Variants in BET1 observed in about 807,000 individuals in gnomAD.
BET1 encodes the protein Bet1 golgi vesicular membrane trafficking protein, also known as BET1 homolog.
A neutral mutation model predicts 13.9 loss-of-function variants in BET1; 9 were observed. The observed-to-expected ratio is 0.65, with a 90% CI of 0.39 to 1.13. The LOEUF (loss-of-function observed/expected upper bound fraction) is 1.13. Ranked by LOEUF, BET1 falls within the 50% of genes most tolerant of loss-of-function variation. BET1 has a pLI of 0.01. For synonymous variants in BET1, 39 were observed against 47.3 expected, an observed-to-expected ratio of 0.82 and a Z score of 0.72; for missense variants, 127 against 133.6, an observed-to-expected ratio of 0.95 and a Z score of 0.24.
chr7:93,977,821 C>G (rs1213695368), intron 4 of BET1, among the ~76,000 whole-genome samples: 1 of 152,158 alleles, frequency 6.6e-6, no homozygotes, highest in African/African-American at 2.4e-5. Context: ...ATATCTGACA[C>G]TTTCTTTAAT....
chr7:93,972,666 G>T (rs1435645002), intron 5 of BET1: 1 of 151,788 alleles, frequency 6.6e-6, no homozygotes, highest in African/African-American at 2.4e-5. Flanking sequence ...AAGGATTCCT[G>T]CATGGAGATA....
At chr7:94,000,834 A>G (rs566898804) in intron 1 of BET1, among the ~76,000 whole-genome samples, 1 of 152,278 alleles carries the variant, frequency 6.6e-6, no homozygotes, top group African/African-American at 2.4e-5. Context: ...GAATGATATC[A>G]AAACTAGAAG....
At chr7:93,984,094 T>G (rs549962983) in intron 4 of BET1, among the ~76,000 whole-genome samples, 12 of 152,310 alleles carry the variant, frequency 7.9e-5, no homozygotes, top group African/African-American at 2.6e-4. Context: ...TGAGAGCTCA[T>G]GGGTAGGATC....
chr7:93,966,470 G>T (rs1795174614), intron 6 of BET1, among the ~76,000 whole-genome samples: 1 of 151,846 alleles, frequency 6.6e-6, no homozygotes, highest in Admixed American at 6.6e-5. Flanking sequence ...CTTGCAGGGG[G>T]CAAATCTTGA....
At chr7:94,001,055 T>C (rs946980449) in intron 1 of BET1, among the ~76,000 whole-genome samples, 1 of 152,212 alleles carries the variant, frequency 6.6e-6, no homozygotes, top group African/African-American at 2.4e-5. Context: ...CACTGATCAC[T>C]GAAGGACAGT....
chr7:93,998,520 A>T (rs1795821077), intron 2 of BET1, among the ~76,000 whole-genome samples: 1 of 152,022 alleles, frequency 6.6e-6, no homozygotes, highest in South Asian at 2.1e-4. Context: ...CCAACATGGT[A>T]AAACCCTGTC....
At chr7:93,984,460 T>C (rs545405065) in intron 4 of BET1, among the ~76,000 whole-genome samples, 31 of 152,344 alleles carry the variant, frequency 2.0e-4, no homozygotes, top group African/African-American at 7.2e-4. Context: ...AATGTCATTC[T>C]GCCAAATAGG....
intron 4 of BET1, among the ~76,000 whole-genome samples, chr7:93,980,003 G>A (rs1562801971): frequency 6.6e-6 from 1 of 152,138 alleles, no homozygotes; most frequent in Non-Finnish European, 1.5e-5. Context: ...TGGGCCATGT[G>A]AGCAACATTC....
chr7:93,995,463 A>G (rs948298450), intron 3 of BET1, among the ~76,000 whole-genome samples: 1 of 152,130 alleles, frequency 6.6e-6, no homozygotes, highest in African/African-American at 2.4e-5. Context: ...GATCTTCACC[A>G]TGGTTATGCA....
chr7:93,994,048 GA>G lies in BET1; in HGVS notation c.*181del. On this transcript the variant is annotated 3_prime_UTR_variant, in exon 4 of 4. Transcript: ENST00000222547. The stretch of plus-strand genomic sequence containing the variant: ...AATAGGGGCTAAAATGAGTCATTAA[GA>G]AACAGTATTCAAAGACCACTGTATT... The G allele has an allele frequency of 8.2e-6, 12 of 1,464,316 alleles. No individual in the cohort carries two copies. Among genetic ancestry groups the G allele is most frequent in the Non-Finnish European group, 9.8e-6 (11 of 1,117,088 alleles). The allele number at this position is 1,464,316 out of a possible 1,614,324, so 90.7% of individuals were successfully genotyped here. A position where few individuals can be genotyped will look rare whatever the true frequency, so the allele number is the denominator to read the frequency against.
chr7:93,985,121 T>C (rs1374038756), intron 4 of BET1, among the ~76,000 whole-genome samples: 5 of 152,170 alleles, frequency 3.3e-5, no homozygotes, highest in African/African-American at 9.7e-5. Flanking sequence ...ACACTGTCTC[T>C]GCTACCTTCC....
At chr7:93,964,775 G>A (rs865885283) in exon 7 of BET1, 6 of 151,918 alleles carry the variant, frequency 3.9e-5, no homozygotes, top group Admixed American at 2.6e-4. Context: ...GAGATACCAC[G>A]AGATTGCACA....
At chr7:93,996,400 A>C (rs1795772528) in intron 2 of BET1, 79 bp from the exon 3 acceptor site, 1 of 1,027,720 alleles carries the variant, frequency 9.7e-7, no homozygotes, top group Non-Finnish European at 1.4e-6. Flanking sequence ...TGTCATTCTA[A>C]GCATACACAT....
intron 2 of BET1, among the ~76,000 whole-genome samples, 180 bp downstream of exon 2, chr7:93,998,990 G>A (rs192677853): frequency 6.6e-6 from 1 of 152,224 alleles, no homozygotes; most frequent in Non-Finnish European, 1.5e-5. Context: ...CTTTTGATGT[G>A]CCACATTTTT....
At chr7:93,966,310 T>C (rs572095557) in intron 6 of BET1, among the ~76,000 whole-genome samples, 129 of 152,092 alleles carry the variant, frequency 8.5e-4, no homozygotes, top group Non-Finnish European at 1.5e-3. Flanking sequence ...TTTAAAACAA[T>C]GAAATAATAT....
chr7:93,993,659 G>A lies in BET1; in HGVS notation c.*571C>T. On this transcript the variant is annotated 3_prime_UTR_variant, in exon 4 of 4. Coordinates refer to ENST00000222547, the MANE Select transcript of BET1 (RefSeq NM_005868.6). ...ATAACAAGTTTTATTTAAAGAATGA[G>A]GTCTTTGGGCAGAAAGAAATGAGGG... 7.7e-7 allele frequency: 1 copy of A among 1,307,018 alleles called. No individual in the cohort carries two copies. The highest frequency in any genetic ancestry group is 9.7e-7 in the Non-Finnish European group (1 of 1,033,130). The allele number at this position is 1,307,018 out of a possible 1,614,324, so 81.0% of individuals were successfully genotyped here.
intron 4 of BET1, among the ~76,000 whole-genome samples, chr7:93,979,650 ACT>A (rs146465035): frequency 0.079 from 11,978 of 151,758 alleles, 614 homozygotes; most frequent in Non-Finnish European, 0.11. Flanking sequence ...AGAAAATTCG[ACT>A]CTCTTTCTCA....
downstream of BET1, chr7:93,992,934 G>A (rs182017143): frequency 5.1e-6 from 5 of 985,324 alleles, no homozygotes; most frequent in Non-Finnish European, 6.0e-6. Flanking sequence ...ACTCAGTTCC[G>A]GTGGTTTTAA....
chr7:93,971,389 T>G (rs940791649), intron 6 of BET1, among the ~76,000 whole-genome samples: 1 of 151,808 alleles, frequency 6.6e-6, no homozygotes, highest in Non-Finnish European at 1.5e-5. Flanking sequence ...GTCCATGCCA[T>G]CAATACAGGA....
Sources: gnomAD v4.1 joint callset for allele counts (sites outside exome capture counted in the v4.1 genomes callset) on GRCh38, gnomAD v4.1.1 for gene constraint, MANE v1.5 for transcripts, NCBI Gene and HGNC (gene_info 2026-07-23, HGNC 2026-07-21) for gene names.